CIZ1: variants seen among roughly 807,000 people sequenced by gnomAD.
The protein encoded by CIZ1 is CDKN1A interacting zinc finger protein 1, also known as cip1-interacting zinc finger protein.
In CIZ1, 58 loss-of-function variants were observed where a neutral mutation model predicts 118.6. The ratio of observed to expected loss-of-function variants is 0.49; its 90% CI spans 0.40 to 0.61. The LOEUF is 0.61. Ranked by LOEUF, CIZ1 falls within the 20% of genes least tolerant of loss-of-function variation. The probability of loss-of-function intolerance (pLI) is 0.00; values close to 1 mark genes in which losing one functional copy is unlikely to be tolerated. For missense variants in CIZ1, 921 were observed against 1,115.9 expected, an observed-to-expected ratio of 0.83 and a Z score of 2.49; for synonymous variants, 448 against 443.4, an observed-to-expected ratio of 1.01 and a Z score of -0.13.
chr9:128,171,395 C>A (rs1830098378), intron 11 of CIZ1, among the ~76,000 whole-genome samples: 1 of 136,346 alleles, frequency 7.3e-6, no homozygotes, highest in South Asian at 2.6e-4. Context: ...CCATTGCCCT[C>A]CAGCCTGGGT....
chr9:128,179,525 C>G lies in CIZ1; in HGVS notation c.792-110G>C, dbSNP rs1831299256. 4.2e-6 allele frequency: 4 copies of G among 961,114 alleles called. No individual in the cohort carries two copies. In the East Asian group the frequency reaches 1.0e-4, roughly 25 times the overall value. 59.5% of individuals were successfully genotyped at this position (961,114 alleles called of 1,614,324 possible). A position where few individuals can be genotyped will look rare whatever the true frequency, so the allele number is the denominator to read the frequency against. On this transcript the variant is annotated intron_variant, in intron 7 of 16. Transcript: ENST00000372938. Reference sequence around the variant, plus strand: ...TGGTGGCTCGCATCTGTAAACCCAGCACTTTGGGAGGCTGAGGCAGGTGGA... The same window carrying G: ...TGGTGGCTCGCATCTGTAAACCCAGGACTTTGGGAGGCTGAGGCAGGTGGA...
Position 128,169,502 on chromosome 9 carries a change from C to T in CIZ1, c.2049G>A (p.Leu683=), listed in dbSNP as rs1309501216. 4.3e-6 allele frequency: 7 copies of T among 1,614,066 alleles called. 1 individual carries two copies. Among genetic ancestry groups the T allele is most frequent in the Admixed American group, 1.7e-5 (1 of 60,000 alleles). ...GGTTGCAAACGGTGCAGAAGGGTCG[C>T]AAGGATTGTTTGGCAATCTGGAAAA... ...TQDHKIAKQS[L]RPFCTVCNRY... The change falls in exon 13 of 17, where the codon TTG becomes TTA. Residue 683 remains leucine, a synonymous_variant. Coordinates refer to ENST00000372938, the MANE Select transcript of CIZ1 (RefSeq NM_001131016.2).
At chr9:128,186,139 A>G (rs1832339317) in intron 4 of CIZ1, among the ~76,000 whole-genome samples, 1 of 151,844 alleles carries the variant, frequency 6.6e-6, no homozygotes, top group African/African-American at 2.4e-5. Context: ...GGATAACAAG[A>G]CACCCACCCC....
intron 4 of CIZ1, among the ~76,000 whole-genome samples, chr9:128,187,495 AG>A (rs1325108771): frequency 6.6e-6 from 1 of 152,220 alleles, no homozygotes; most frequent in Non-Finnish European, 1.5e-5. Flanking sequence ...ATCTGTAAAA[AG>A]GGGATAATAA....
At position 128,169,201 on chromosome 9, in the gene CIZ1, G is replaced by C. The variant is rs1829814395; in HGVS notation, c.2146C>G (p.Leu716Val). 6.2e-7 allele frequency: 1 copy of C among 1,614,164 alleles called. No individual in the cohort carries two copies. Among genetic ancestry groups the C allele is most frequent in the African/African-American group, 1.3e-5 (1 of 75,048 alleles). The change falls in exon 14 of 17, where the codon CTG becomes GTG. Residue 716 changes from leucine to valine, a missense_variant and splice_region_variant. Transcript: ENST00000372938. ...GCAATTTCTTTCTCAAGCGACTTCA[G>C]CTGCCCAGGGAGTAGGCAAGGAGCT... is the stretch of plus-strand genomic sequence containing the variant. ...SQGHKDKAKE[L>V]KSLEKEIAGQ...
chr9:128,185,655 C>A lies in CIZ1; in HGVS notation c.480G>T (p.Leu160=), dbSNP rs1218400835. ...FFPQATRQSL[L]GPPPVGVPMN... ...TGGGGACCCCAACAGGAGGAGGTCC[C>A]AGCAAGGACTGGCGAGTGGCCTGGG... Residue 160 remains leucine (L), a synonymous_variant, in exon 5 of 17, where the codon CTG becomes CTT. Coordinates refer to ENST00000372938, the MANE Select transcript of CIZ1 (RefSeq NM_001131016.2). The A allele has an allele frequency of 6.3e-7, 1 of 1,589,628 alleles. No homozygotes were observed.
chr9:128,170,984 G>A (rs1830049164), intron 11 of CIZ1, among the ~76,000 whole-genome samples: 1 of 151,972 alleles, frequency 6.6e-6, no homozygotes, highest in Non-Finnish European at 1.5e-5. Context: ...AACATTAGCT[G>A]GGTTTGGTGG....
At chr9:128,169,299 C>T in intron 13 of CIZ1, 98 bp from the exon 14 acceptor site, 1 of 1,401,540 alleles carries the variant, frequency 7.1e-7, no homozygotes, top group South Asian at 1.2e-5. Context: ...CCAATCCCTC[C>T]AGACCCGCTG....
At chr9:128,187,254 C>G (rs543721806) in intron 4 of CIZ1, among the ~76,000 whole-genome samples, 2 of 152,290 alleles carry the variant, frequency 1.3e-5, no homozygotes, top group South Asian at 4.1e-4. Flanking sequence ...TATCTGCTTT[C>G]TGCTTCACAT....
At chr9:128,190,508 G>T (rs2131027113) in intron 2 of CIZ1, 64 bp from the exon 3 acceptor site, 3 of 1,405,110 alleles carry the variant, frequency 2.1e-6, no homozygotes, top group Non-Finnish European at 2.9e-6. Flanking sequence ...CTTCCCCAAG[G>T]CTTCTCACCT....
At chr9:128,201,303 A>G (rs1387027988) in intron 1 of CIZ1, among the ~76,000 whole-genome samples, 1 of 151,428 alleles carries the variant, frequency 6.6e-6, no homozygotes, top group Admixed American at 6.6e-5. Context: ...TACAAAAATT[A>G]GCTAGGAGTG....
intron 14 of CIZ1, 40 bp from the exon 15 acceptor site, chr9:128,167,204 C>A: frequency 2.0e-6 from 3 of 1,476,984 alleles, no homozygotes; most frequent in East Asian, 4.7e-5. Context: ...CTGGCTTCCC[C>A]TTGACACCTC....
At position 128,169,533 on chromosome 9, in the gene CIZ1, G is replaced by T; in HGVS notation, c.2032-14C>A. ...TTGTTTGGCAATCTGGAAAAAGGCA[G>T]GCCAACCAAGCAGTGTCCCCAGCTG... On this transcript the variant is annotated splice_polypyrimidine_tract_variant and intron_variant, in intron 12 of 16. Coordinates refer to ENST00000372938, the MANE Select transcript of CIZ1 (RefSeq NM_001131016.2). 3 of 1,613,318 alleles carry T rather than the reference G, an allele frequency of 1.9e-6. No homozygotes were observed. Among genetic ancestry groups the T allele is most frequent in the African/African-American group, 1.3e-5 (1 of 75,028 alleles).
chr9:128,203,350 C>A lies in CIZ1; in HGVS notation c.-6+836G>T. On this transcript the variant is annotated intron_variant, in intron 1 of 17. Transcript: ENST00000372948. The surrounding 1 kb of genome is among the most constrained non-coding windows in gnomAD (Gnocchi z 5.3). ...CCGGGAGCGGTGCTCGCTCCGATCC[C>A]CGAGGGGCGGGGGCCCCGCGGCGCA... The A allele has an allele frequency of 9.9e-7, 1 of 1,006,208 alleles. No individual in the cohort carries two copies. Among genetic ancestry groups the A allele is most frequent in the South Asian group, 3.3e-5 (1 of 30,422 alleles). 62.3% of individuals were successfully genotyped at this position (1,006,208 alleles called of 1,614,324 possible).
chr9:128,178,448 C>T lies in CIZ1; in HGVS notation c.1541G>A (p.Ser514Asn), dbSNP rs755827271. The T allele has an allele frequency of 2.5e-6, 4 of 1,614,126 alleles. 1 individual carries two copies. The highest frequency in any genetic ancestry group is 1.1e-5 in the South Asian group (1 of 91,086). Residue 514 changes from serine to asparagine, a missense_variant, in exon 9 of 17, where the codon AGC becomes AAC. By Grantham distance (46) the Ser-to-Asn change is conservative. Coordinates refer to ENST00000372938, the MANE Select transcript of CIZ1 (RefSeq NM_001131016.2). ...CGACTCATTCTGAATCTCTTCCATGCTGACTTGGGTGCCCACAGGCTCTGG... is the reference window on the plus strand; with the variant it reads ...CGACTCATTCTGAATCTCTTCCATGTTGACTTGGGTGCCCACAGGCTCTGG... ...TLPEPVGTQVSMEEIQNESAC... is the reference protein window; with the variant it reads ...TLPEPVGTQVNMEEIQNESAC...
Position 128,169,456 on chromosome 9 carries a change from T to C in CIZ1, c.2095A>G (p.Lys699Glu), listed in dbSNP as rs1380509686. Residue 699 changes from lysine to glutamate, a missense_variant, in exon 13 of 17, where the codon AAG becomes GAG. Transcript: ENST00000372938. Reference protein sequence around the residue: ...VCNRYFKTPRKFVEHVKSQGH... With the variant: ...VCNRYFKTPREFVEHVKSQGH... Reference sequence around the variant, plus strand: ...TGGGACTTCACGTGCTCCACAAACTTGCGAGGGGTTTTGAAGTAGCGGTTG... The same window carrying C: ...TGGGACTTCACGTGCTCCACAAACTCGCGAGGGGTTTTGAAGTAGCGGTTG... The C allele has an allele frequency of 1.2e-6, 2 of 1,614,014 alleles. No individual in the cohort carries two copies. The highest frequency in any genetic ancestry group is 1.3e-5 in the African/African-American group (1 of 74,898).
intron 11 of CIZ1, among the ~76,000 whole-genome samples, chr9:128,175,519 C>T (rs917642959): frequency 2.6e-5 from 4 of 152,160 alleles, no homozygotes; most frequent in Non-Finnish European, 5.9e-5. Flanking sequence ...CTTCCTGTCC[C>T]CTCAGCCCCA....
chr9:128,167,148 A>G lies in CIZ1; in HGVS notation c.2312T>C (p.Ile771Thr), dbSNP rs2130892743. The G allele has an allele frequency of 1.3e-6, 2 of 1,597,482 alleles. No individual in the cohort carries two copies. Among genetic ancestry groups the G allele is most frequent in the Non-Finnish European group, 1.7e-6 (2 of 1,171,944 alleles). ...ELCKQVRSRD[I>T]SREEWKGSET... ...CGAGCCCTTCCACTCCTCTCTGGAT[A>G]TATCTCTGGACCTCACCTGAAAACA... Residue 771 changes from isoleucine to threonine, a missense_variant, in exon 15 of 17, where the codon ATA becomes ACA. Transcript: ENST00000372938.
In CIZ1 at chr9:128,190,689, G is replaced by A. The variant is rs1415061475; in HGVS notation, c.169C>T (p.Arg57Trp). The A allele has an allele frequency of 2.6e-6, 4 of 1,552,438 alleles. No homozygotes were observed. The highest frequency in any genetic ancestry group is 3.5e-6 in the Non-Finnish European group (4 of 1,149,764). ...ATCGCGCCCGAGAGGGGAACTCACC[G>A]GCTGACAGCCATGGGCAACGGGGCC... ...PQAPLPMAVS[R>W]GLPPQQPQQP... is the part of the protein sequence containing the mutation. The change falls in exon 2 of 17, where the codon CGG (arginine) becomes TGG (tryptophan). Residue 57 changes from arginine (R) to tryptophan (W), a missense_variant and splice_region_variant. By Grantham distance (101) the Arg-to-Trp change is moderately radical. Coordinates refer to ENST00000372938, the MANE Select transcript of CIZ1 (RefSeq NM_001131016.2).
Sources: allele counts gnomAD v4.1 joint callset (sites outside exome capture counted in the v4.1 genomes callset), GRCh38; gene constraint gnomAD v4.1.1; non-coding constraint Gnocchi (gnomAD v3.1); transcripts MANE v1.5; gene names NCBI Gene and HGNC (gene_info 2026-07-23, HGNC 2026-07-21).